OSBP: variants seen among roughly 807,000 people sequenced by gnomAD.
OSBP encodes oxysterol-binding protein 1.
A neutral mutation model predicts 96.6 loss-of-function variants in OSBP; 32 were observed. The observed-to-expected ratio is 0.33, with a 90% CI of 0.25 to 0.45. The LOEUF is 0.45. Ranked by LOEUF, OSBP falls within the 20% of genes least tolerant of loss-of-function variation. The pLI is 1.00. For missense variants in OSBP, 653 were observed against 1,029.7 expected (o/e 0.63, Z 5.01); for synonymous variants, 369 against 389.6 (o/e 0.95, Z 0.62).
chr11:59,609,949 G>T (rs976408682), intron 2 of OSBP, among the ~76,000 whole-genome samples: 1 of 152,078 alleles, frequency 6.6e-6, no homozygotes, highest in East Asian at 1.9e-4. Flanking sequence ...CCCAAGACTG[G>T]CCCACCAATA....
chr11:59,581,782 A>T (rs1488219514), intron 9 of OSBP, among the ~76,000 whole-genome samples: 1 of 152,240 alleles, frequency 6.6e-6, no homozygotes, highest in African/African-American at 2.4e-5. Context: ...AATGATGACA[A>T]ACCCTGGCAA....
intron 9 of OSBP, among the ~76,000 whole-genome samples, chr11:59,587,238 C>G (rs557525513): frequency 6.6e-6 from 1 of 152,244 alleles, no homozygotes; most frequent in East Asian, 1.9e-4. Context: ...CGGCAGCTCA[C>G]GCCTGTAATC....
Position 59,593,992 on chromosome 11 carries a change from G to A in OSBP, c.1557+18C>T. 6.2e-7 allele frequency: 1 copy of A among 1,612,956 alleles called. No homozygotes were observed. Among genetic ancestry groups the A allele is most frequent in the Non-Finnish European group, 8.5e-7 (1 of 1,179,286 alleles). On this transcript the variant is annotated intron_variant, in intron 8 of 13. Coordinates refer to ENST00000263847, the MANE Select transcript of OSBP (RefSeq NM_002556.3). ...TTCTTCAGAAAGGAAATGCGTTATG[G>A]TTCTGAGGTTCCTTTACCTGTTCAC...
intron 3 of OSBP, among the ~76,000 whole-genome samples, chr11:59,605,942 T>C (rs1386719022): frequency 6.6e-6 from 1 of 152,202 alleles, no homozygotes; most frequent in Non-Finnish European, 1.5e-5. Context: ...AGATAGGTCA[T>C]GAAGGCAGTT....
intron 3 of OSBP, among the ~76,000 whole-genome samples, chr11:59,607,546 G>A (rs1284356544): frequency 2.0e-5 from 3 of 151,938 alleles, no homozygotes; most frequent in Non-Finnish European, 4.4e-5. Flanking sequence ...TCTGGCACTA[G>A]AGAGGTAATT....
At chr11:59,577,116 T>C (rs486952) in intron 12 of OSBP, 91 bp from the exon 13 acceptor site, 24,342 of 975,856 alleles carry the variant, frequency 0.025, 1,013 homozygotes, top group Admixed American at 0.16. Context: ...CAAGGCCACA[T>C]CACCAAGGCT....
chr11:59,583,237 A>C (rs755758826), intron 9 of OSBP, among the ~76,000 whole-genome samples: 3 of 152,098 alleles, frequency 2.0e-5, no homozygotes, highest in Non-Finnish European at 4.4e-5. Context: ...ACTTGAACCC[A>C]GGAGGCGGAG....
At chr11:59,588,169 ATAAT>A (rs1565115938) in intron 9 of OSBP, among the ~76,000 whole-genome samples, 1 of 152,122 alleles carries the variant, frequency 6.6e-6, no homozygotes, top group Admixed American at 6.5e-5. Context: ...CTTATAGGAG[ATAAT>A]TAAAGTAGTT....
intron 1 of OSBP, among the ~76,000 whole-genome samples, chr11:59,613,944 G>C (rs1236337557): frequency 6.6e-6 from 1 of 152,144 alleles, no homozygotes; most frequent in African/African-American, 2.4e-5. Context: ...CTAACTCTCT[G>C]GGTAGCAGAA....
chr11:59,608,877 T>C (rs1321187101), intron 2 of OSBP, 143 bp from the exon 3 acceptor site: 14 of 772,826 alleles, frequency 1.8e-5, no homozygotes, highest in Admixed American at 1.1e-4. Context: ...ACCAGATGGT[T>C]TCTCTATAGT....
rs964359681 is a variant in OSBP at position 59,598,639 on chromosome 11, G to C, written c.1311+1857C>G. Among the ~76,000 whole-genome samples, 2 of 152,112 alleles carry C rather than the reference G, an allele frequency of 1.3e-5. 1 individual carries two copies. The highest frequency in any genetic ancestry group is 4.2e-4 in the South Asian group (2 of 4,818). On this transcript the variant is annotated intron_variant, in intron 7 of 13. Transcript: ENST00000263847. ...GAGTCTAGCTCTGTCACCCAGGCTG[G>C]AGTATAGTGGTGCGATCTCAGCTCA...
intron 4 of OSBP, 51 bp downstream of exon 4, chr11:59,601,589 A>T (rs370923181): frequency 1.3e-6 from 2 of 1,557,546 alleles, no homozygotes; most frequent in African/African-American, 2.7e-5. Flanking sequence ...CAACTGCAGA[A>T]AACCATCTGG....
intron 10 of OSBP, among the ~76,000 whole-genome samples, chr11:59,580,818 C>A (rs1391004463): frequency 6.6e-6 from 1 of 152,132 alleles, no homozygotes; most frequent in African/African-American, 2.4e-5. Context: ...CATGCCCAGC[C>A]CATTTTCCCT....
Position 59,577,043 on chromosome 11 carries a change from G to A in OSBP, c.2061-18C>T. The A allele has an allele frequency of 6.2e-7, 1 of 1,601,504 alleles. No homozygotes were observed. The highest frequency in any genetic ancestry group is 1.3e-5 in the African/African-American group (1 of 74,156). On this transcript the variant is annotated intron_variant, in intron 12 of 13. Coordinates refer to ENST00000263847, the MANE Select transcript of OSBP (RefSeq NM_002556.3). ...CATTCTTCCTAAAAGTAGAAGACAA[G>A]AAAAAGAAATGGTAATCCCAGAGCC...
chr11:59,588,573 G>T lies in OSBP; in HGVS notation c.1678+5031C>A, dbSNP rs115277092. On this transcript the variant is annotated intron_variant, in intron 9 of 13. Transcript: ENST00000263847. ...AAAAAATTATTTTTTAATGTATATA[G>T]AGTTCCCGTTTTACAAGATCAAGAG... Among the ~76,000 whole-genome samples the T allele has an allele frequency of 6.2e-3, 937 of 151,278 alleles. 11 individuals carry two copies. Among genetic ancestry groups the T allele is most frequent in the African/African-American group, 0.022 (893 of 41,238 alleles).
Position 59,580,198 on chromosome 11 carries a change from G to A in OSBP, c.1854C>T (p.Tyr618=). 6.2e-7 allele frequency: 1 copy of A among 1,610,254 alleles called. No homozygotes were observed. Among genetic ancestry groups the A allele is most frequent in the Non-Finnish European group, 8.5e-7 (1 of 1,176,668 alleles). Residue 618 remains tyrosine (Y), a synonymous_variant, in exon 11 of 14, where the codon TAC becomes TAT. Transcript: ENST00000263847. ...CCTTTCTTGCTACATCCCGAGAGAA[G>A]TAGCTATAAGGAACAAATTTAAGAT... ...KCNLKFVPYS[Y]FSRDVARKVT... is the part of the protein sequence containing the mutation.
At chr11:59,593,757 G>C in intron 8 of OSBP, 33 bp from the exon 9 acceptor site, 2 of 1,611,854 alleles carry the variant, frequency 1.2e-6, no homozygotes, top group Non-Finnish European at 1.7e-6. Flanking sequence ...TAAGACGGCA[G>C]AAAGGAGAAG....
At chr11:59,596,552 A>T (rs952608924) in intron 7 of OSBP, among the ~76,000 whole-genome samples, 13 of 151,858 alleles carry the variant, frequency 8.6e-5, no homozygotes, top group Non-Finnish European at 1.5e-4. Flanking sequence ...AGAAGGAAGC[A>T]GGGAGCTATA....
intron 9 of OSBP, among the ~76,000 whole-genome samples, chr11:59,587,481 G>A (rs1031322059): frequency 2.0e-5 from 3 of 150,498 alleles, no homozygotes; most frequent in Non-Finnish European, 4.4e-5. Flanking sequence ...CAGACTGGAT[G>A]ACAGTGCGAG....
Sources: gnomAD v4.1 joint callset for allele counts (sites outside exome capture counted in the v4.1 genomes callset) on GRCh38, gnomAD v4.1.1 for gene constraint, MANE v1.5 for transcripts, NCBI Gene and HGNC (gene_info 2026-07-23, HGNC 2026-07-21) for gene names.